Variants in ARSJ observed in about 807,000 individuals in gnomAD.
ARSJ encodes the protein arylsulfatase family member J.
ARSJ carries 26 observed loss-of-function variants against 35.9 expected under a neutral mutation model. The observed-to-expected ratio is 0.72, with a 90% CI of 0.53 to 1.00. The LOEUF (loss-of-function observed/expected upper bound fraction) is 1.00. Ranked by LOEUF, ARSJ falls within the 50% of genes least tolerant of loss-of-function variation. ARSJ has a pLI of 0.00. For missense variants in ARSJ, 667 were observed against 723.6 expected, an observed-to-expected ratio of 0.92 and a Z score of 0.90; for synonymous variants, 294 against 267.6, an observed-to-expected ratio of 1.10 and a Z score of -0.96.
Position 113,978,790 on chromosome 4 carries a change from TGGA to T in ARSJ, c.42_44del (p.Pro15del). 1 of 1,613,726 alleles carries T rather than the reference TGGA, an allele frequency of 6.2e-7. No individual in the cohort carries two copies. Among genetic ancestry groups the T allele is most frequent in the African/African-American group, 1.3e-5 (1 of 75,028 alleles). On this transcript the variant is annotated inframe_deletion, in exon 1 of 2. Coordinates refer to ENST00000315366, the MANE Select transcript of ARSJ (RefSeq NM_024590.4). The stretch of plus-strand genomic sequence containing the variant: ...TCTTTCCAGGACAGACACAGGCCTG[TGGA>T]GAAGGCGGAGGCGGATGCCCCGCAC...
At chr4:113,952,679 T>G (rs1229358098) in intron 1 of ARSJ, among the ~76,000 whole-genome samples, 1 of 152,054 alleles carries the variant, frequency 6.6e-6, no homozygotes. Context: ...GGTCGACCCC[T>G]GGTTAGAAGG....
intron 1 of ARSJ, among the ~76,000 whole-genome samples, chr4:113,911,246 G>C (rs1453501763): frequency 6.6e-6 from 1 of 152,160 alleles, no homozygotes; most frequent in Non-Finnish European, 1.5e-5. Flanking sequence ...GACATATCTT[G>C]ACTAGTCTAT....
chr4:113,929,542 C>T (rs1034621648), intron 1 of ARSJ, among the ~76,000 whole-genome samples: 2 of 152,112 alleles, frequency 1.3e-5, no homozygotes, highest in Non-Finnish European at 2.9e-5. Context: ...AGGGTCCTCC[C>T]ACACATCCCC....
At chr4:113,913,913 A>G (rs912241874) in intron 1 of ARSJ, among the ~76,000 whole-genome samples, 12 of 152,162 alleles carry the variant, frequency 7.9e-5, no homozygotes. Flanking sequence ...TATCATCGTA[A>G]TATTAGTTAG....
At chr4:113,940,000 G>A (rs1725041227) in intron 1 of ARSJ, among the ~76,000 whole-genome samples, 1 of 152,076 alleles carries the variant, frequency 6.6e-6, no homozygotes, top group Non-Finnish European at 1.5e-5. Context: ...AACAGATGCT[G>A]GCGAGGCTGT....
At position 113,900,964 on chromosome 4, in the gene ARSJ, G is replaced by C. The variant is rs558296785; in HGVS notation, c.*1310C>G. On this transcript the variant is annotated 3_prime_UTR_variant, in exon 2 of 2. Transcript: ENST00000315366. Reference sequence around the variant, plus strand: ...CTTTTAATGGGAAAAACCGCAACTAGTTTTGCACCAACCTAATATAAATGT... The same window carrying C: ...CTTTTAATGGGAAAAACCGCAACTACTTTTGCACCAACCTAATATAAATGT... 6.6e-6 allele frequency: 1 copy of C among 152,230 alleles called. No homozygotes were observed. Among genetic ancestry groups the C allele is most frequent in the South Asian group, 2.1e-4 (1 of 4,820 alleles). 9.4% of individuals were successfully genotyped at this position (152,230 alleles called of 1,614,324 possible). A position where few individuals can be genotyped will look rare whatever the true frequency, so the allele number is the denominator to read the frequency against.
At chr4:113,931,197 A>G (rs1043218869) in intron 1 of ARSJ, among the ~76,000 whole-genome samples, 2 of 152,080 alleles carry the variant, frequency 1.3e-5, no homozygotes, top group Non-Finnish European at 2.9e-5. Flanking sequence ...TAGAAAAAAA[A>G]AAGTATAAAT....
chr4:113,975,533 G>A lies in ARSJ; in HGVS notation c.398+2904C>T, dbSNP rs115585534. 3.5e-3 allele frequency among the ~76,000 whole-genome samples: 536 copies of A among 152,198 alleles called. 4 individuals are homozygous for A. The highest frequency in any genetic ancestry group is 0.012 in the African/African-American group (513 of 41,524). On this transcript the variant is annotated intron_variant, in intron 1 of 1. Coordinates refer to ENST00000315366, the MANE Select transcript of ARSJ (RefSeq NM_024590.4). ...CTTTGAAATAAATCAAACACAGGCA[G>A]TCACTTTCCCAATCAACCTTTTATC... is the stretch of plus-strand genomic sequence containing the variant.
At chr4:113,953,022 CA>C (rs1273775254) in intron 1 of ARSJ, among the ~76,000 whole-genome samples, 1 of 152,010 alleles carries the variant, frequency 6.6e-6, no homozygotes, top group East Asian at 1.9e-4. Context: ...AGCAATGAAC[CA>C]ATATTATCTC....
At chr4:113,919,949 A>ATTT (rs11413945) in intron 1 of ARSJ, among the ~76,000 whole-genome samples, 22 of 150,600 alleles carry the variant, frequency 1.5e-4, no homozygotes, top group African/African-American at 4.4e-4. Flanking sequence ...TTTATTAAAG[A>ATTT]TTTTTTTTTT....
At chr4:113,951,774 A>G (rs1725877728) in intron 1 of ARSJ, among the ~76,000 whole-genome samples, 1 of 151,966 alleles carries the variant, frequency 6.6e-6, no homozygotes, top group Non-Finnish European at 1.5e-5. Flanking sequence ...CCCTCCTGTT[A>G]ATTCTGGTAA....
At chr4:113,965,328 G>T (rs1046172363) in intron 1 of ARSJ, among the ~76,000 whole-genome samples, 2 of 152,026 alleles carry the variant, frequency 1.3e-5, no homozygotes, top group Admixed American at 6.6e-5. Context: ...AATAACAAAA[G>T]ATATTTATTG....
chr4:113,935,974 A>G (rs1724741960), intron 1 of ARSJ, among the ~76,000 whole-genome samples: 1 of 151,982 alleles, frequency 6.6e-6, no homozygotes, highest in South Asian at 2.1e-4. Flanking sequence ...GCAGAAGTGA[A>G]GGTTGAATGT....
intron 1 of ARSJ, among the ~76,000 whole-genome samples, chr4:113,906,061 A>G (rs1182234909): frequency 6.6e-6 from 1 of 152,218 alleles, no homozygotes; most frequent in Non-Finnish European, 1.5e-5. Context: ...TTCTAAAATT[A>G]GAAAAAAAAC....
chr4:113,920,334 C>T (rs914909249), intron 1 of ARSJ, among the ~76,000 whole-genome samples: 1 of 152,074 alleles, frequency 6.6e-6, no homozygotes, highest in African/African-American at 2.4e-5. Context: ...TAAAACACAA[C>T]GGTAAAAGTA....
At chr4:113,903,739 T>C (rs923109624) in intron 1 of ARSJ, 64 bp from the exon 2 acceptor site, 1 of 1,498,634 alleles carries the variant, frequency 6.7e-7, no homozygotes, top group Admixed American at 2.2e-5. Flanking sequence ...CATAAAACAA[T>C]GATCCCTAAA....
At chr4:113,963,552 G>A (rs1031527389) in intron 1 of ARSJ, among the ~76,000 whole-genome samples, 24 of 151,948 alleles carry the variant, frequency 1.6e-4, no homozygotes, top group African/African-American at 5.8e-4. Context: ...CCTGCTGCAG[G>A]GTCCCTCCCA....
chr4:113,949,141 G>T (rs1461769391), intron 1 of ARSJ, among the ~76,000 whole-genome samples: 1 of 150,604 alleles, frequency 6.6e-6, no homozygotes, highest in Non-Finnish European at 1.5e-5. Context: ...GTTGAACAAT[G>T]AGAACATATG....
chr4:113,954,154 A>C (rs919349496), intron 1 of ARSJ, among the ~76,000 whole-genome samples: 2 of 152,030 alleles, frequency 1.3e-5, no homozygotes, highest in Non-Finnish European at 2.9e-5. Flanking sequence ...ATCTCAGTAC[A>C]TATTTGAATA....
Sources: allele counts gnomAD v4.1 joint callset (sites outside exome capture counted in the v4.1 genomes callset), GRCh38; gene constraint gnomAD v4.1.1; transcripts MANE v1.5; gene names NCBI Gene and HGNC (gene_info 2026-07-23, HGNC 2026-07-21).